Variants in LRRD1 observed in about 807,000 individuals in gnomAD.
LRRD1 encodes leucine-rich repeat and death domain-containing protein 1.
LRRD1 carries 49 observed loss-of-function variants against 69.5 expected under a neutral mutation model. The ratio of observed to expected loss-of-function variants is 0.70; its 90% CI spans 0.56 to 0.89. LRRD1 has a LOEUF of 0.89. Among genes scored for constraint, LRRD1 ranks in the 40% least tolerant of loss-of-function variants. LRRD1 has a pLI of 0.00. For missense variants in LRRD1, 853 were observed against 956.0 expected (o/e 0.89, Z 1.42); for synonymous variants, 303 against 338.9 (o/e 0.89, Z 1.16).
At chr7:92,154,211 T>C (rs1387766770) in intron 3 of LRRD1, among the ~76,000 whole-genome samples, 1 of 152,068 alleles carries the variant, frequency 6.6e-6, no homozygotes, top group Non-Finnish European at 1.5e-5. Context: ...CAGTGTTGTA[T>C]ATAAGAAATC....
intron 3 of LRRD1, among the ~76,000 whole-genome samples, chr7:92,152,859 G>A (rs1287497933): frequency 4.6e-5 from 7 of 151,932 alleles, no homozygotes; most frequent in African/African-American, 1.7e-4. Flanking sequence ...TAGTAGAGAC[G>A]AGGTTTCACC....
Position 92,164,950 on chromosome 7 carries a change from G to T in LRRD1, c.253C>A (p.Leu85Ile). 1.3e-6 allele frequency: 2 copies of T among 1,551,300 alleles called. No individual in the cohort carries two copies. The highest frequency in any genetic ancestry group is 2.4e-5 in the South Asian group (2 of 84,034). The change falls in exon 2 of 6, where the codon CTT becomes ATT. Residue 85 changes from leucine to isoleucine, a missense_variant. Physicochemically the swap from Leu to Ile is conservative, Grantham distance 5. This residue lies in a region of LRRD1 where 99 missense variants were observed against 107.0 expected (regional missense o/e 0.92). Transcript: ENST00000458448. Reference protein sequence around the residue: ...SKRNEEQKKNLQFSETSTRTG... With the variant: ...SKRNEEQKKNIQFSETSTRTG... ...CTAGTGCTTGTTTCAGAAAATTGAA[G>T]ATTTTTCTTTTGTTCTTCATTTCTC...
chr7:92,154,847 C>G (rs558162715), intron 3 of LRRD1, among the ~76,000 whole-genome samples: 2 of 152,306 alleles, frequency 1.3e-5, no homozygotes, highest in Admixed American at 6.5e-5. Flanking sequence ...GACCCCCCAG[C>G]TGATGCCTAC....
At chr7:92,176,233 T>A (rs879529825) in intron 1 of LRRD1, among the ~76,000 whole-genome samples, 14 of 152,206 alleles carry the variant, frequency 9.2e-5, no homozygotes, top group Non-Finnish European at 2.1e-4. Flanking sequence ...CATGGCATAT[T>A]TCTTTTGCGA....
intron 4 of LRRD1, chr7:92,149,979 A>T (rs1263622628): frequency 2.2e-6 from 1 of 445,246 alleles, no homozygotes; most frequent in Non-Finnish European, 4.5e-6. Context: ...TCAATAGGGT[A>T]GGAAACAGCC....
Position 92,164,054 on chromosome 7 carries a change from T to C in LRRD1, c.1149A>G (p.Leu383=), listed in dbSNP as rs753235924. 2 of 1,541,374 alleles carry C rather than the reference T, an allele frequency of 1.3e-6. No homozygotes were observed. ...ATATTTTCTCTGGTATATTTTTCAA[T>C]AAATTTTTATCAAGTATAAGAATCC... The part of the protein sequence containing the change: ...ELRILILDKN[L]LKNIPEKISC... Residue 383 remains leucine (L), a synonymous_variant, in exon 2 of 6, where the codon TTA becomes TTG. Transcript: ENST00000458448.
intron 3 of LRRD1, among the ~76,000 whole-genome samples, chr7:92,152,802 C>T (rs922496326): frequency 1.3e-5 from 2 of 151,900 alleles, no homozygotes; most frequent in African/African-American, 4.8e-5. Context: ...TCCTGAGTAG[C>T]TGGGACTATA....
chr7:92,160,555 C>T (rs1788774407), intron 2 of LRRD1, among the ~76,000 whole-genome samples: 1 of 152,176 alleles, frequency 6.6e-6, no homozygotes, highest in South Asian at 2.1e-4. Flanking sequence ...GGCTCGGTGG[C>T]TCACACCTGT....
At chr7:92,150,054 A>C (rs1820426848) in intron 4 of LRRD1, 1 of 294,050 alleles carries the variant, frequency 3.4e-6, no homozygotes, top group Admixed American at 3.7e-5. Flanking sequence ...TGGATTACGT[A>C]ATCTGAATTA....
chr7:92,178,868 C>A (rs544634316), intron 1 of LRRD1, 139 bp downstream of exon 1: 60 of 152,244 alleles, frequency 3.9e-4, no homozygotes, highest in African/African-American at 1.2e-3. Flanking sequence ...AAATTGTTTT[C>A]TAAATGTGGA....
At chr7:92,143,826 G>A (rs1009630947), downstream of LRRD1, among the ~76,000 whole-genome samples, 2 of 152,278 alleles carry the variant, frequency 1.3e-5, no homozygotes, top group Non-Finnish European at 2.9e-5. Flanking sequence ...TGGGAGCCCA[G>A]GCAGAGGAGG....
intron 3 of LRRD1, among the ~76,000 whole-genome samples, chr7:92,152,674 CTTTTTTTT>C (rs375384141): frequency 7.1e-6 from 1 of 139,906 alleles, no homozygotes; most frequent in Admixed American, 7.2e-5. Flanking sequence ...TTTAACTATT[CTTTTTTTT>C]TTTTTTTGGA....
rs1788877792 is a variant in LRRD1 at position 92,165,037 on chromosome 7, A to T, written c.166T>A (p.Tyr56Asn). The change falls in exon 2 of 6, where the codon TAT becomes AAT. Residue 56 changes from tyrosine (Y) to asparagine (N), a missense_variant. Tyr to Asn is a moderately radical substitution (Grantham distance 143). Coordinates refer to ENST00000458448, the MANE Select transcript of LRRD1 (RefSeq NM_001161528.2). ...YLEGKSSNQI[Y>N]ETHPRQNTLE... Reference sequence around the variant, plus strand: ...GTATTCTGTCTAGGATGTGTTTCATAAATCTGGTTAGAAGATTTCCCTTCC... The same window carrying T: ...GTATTCTGTCTAGGATGTGTTTCATTAATCTGGTTAGAAGATTTCCCTTCC... 6.4e-7 allele frequency: 1 copy of T among 1,551,434 alleles called. No individual in the cohort carries two copies. The highest frequency in any genetic ancestry group is 8.7e-7 in the Non-Finnish European group (1 of 1,146,958).
chr7:92,153,328 G>T (rs1274894481), intron 3 of LRRD1, among the ~76,000 whole-genome samples: 1 of 152,034 alleles, frequency 6.6e-6, no homozygotes, highest in African/African-American at 2.4e-5. Flanking sequence ...GCCTCTCAAA[G>T]TGCTGGGATT....
intron 1 of LRRD1, among the ~76,000 whole-genome samples, chr7:92,171,226 A>G (rs1789050728): frequency 6.6e-6 from 1 of 152,106 alleles, no homozygotes; most frequent in South Asian, 2.1e-4. Context: ...CTAAAAAAGA[A>G]TACAGAAAAC....
At chr7:92,172,556 GA>G (rs35806171) in intron 1 of LRRD1, among the ~76,000 whole-genome samples, 34,439 of 148,372 alleles carry the variant, frequency 0.23, 4,745 homozygotes, top group Non-Finnish European at 0.32. Flanking sequence ...TGAACAATCT[GA>G]AAAAAAAAAT....
Position 92,163,790 on chromosome 7 carries a change from C to A in LRRD1, c.1413G>T (p.Leu471Phe). Residue 471 changes from leucine (L) to phenylalanine (F), a missense_variant, in exon 2 of 6, where the codon TTG (leucine) becomes TTT (phenylalanine). Coordinates refer to ENST00000458448, the MANE Select transcript of LRRD1 (RefSeq NM_001161528.2). ...KNCQKIIKIE[L>F]SYNKIMYFPL... Reference sequence around the variant, plus strand: ...GAAAATACATTATTTTGTTATAACTCAATTCAATTTTAATTATTTTTTGGC... The same window carrying A: ...GAAAATACATTATTTTGTTATAACTAAATTCAATTTTAATTATTTTTTGGC... The A allele has an allele frequency of 6.7e-7, 1 of 1,503,210 alleles. No individual in the cohort carries two copies. The highest frequency in any genetic ancestry group is 8.8e-7 in the Non-Finnish European group (1 of 1,130,024). 93.1% of individuals were successfully genotyped at this position (1,503,210 alleles called of 1,614,324 possible). A position where few individuals can be genotyped will look rare whatever the true frequency, so the allele number is the denominator to read the frequency against.
At position 92,168,285 on chromosome 7, in the gene LRRD1, A is replaced by T. The variant is rs537345478; in HGVS notation, c.-74-3009T>A. Among the ~76,000 whole-genome samples, 3 of 152,296 alleles carry T rather than the reference A, an allele frequency of 2.0e-5. No individual in the cohort carries two copies. In the South Asian group the frequency reaches 6.2e-4, roughly 32 times the overall value. ...AGGTGGACAGCTGGCTTCCCTGCCAACTTGGATTCCCTGGCAGGAGACCTG... is the reference window on the plus strand; with the variant it reads ...AGGTGGACAGCTGGCTTCCCTGCCATCTTGGATTCCCTGGCAGGAGACCTG... On this transcript the variant is annotated intron_variant, in intron 1 of 5. Coordinates refer to ENST00000458448, the MANE Select transcript of LRRD1 (RefSeq NM_001161528.2).
downstream of LRRD1, chr7:92,142,603 G>A (rs115594215): frequency 7.4e-3 from 3,287 of 446,430 alleles, 80 homozygotes; most frequent in African/African-American, 0.06. Flanking sequence ...CGACCCTCAC[G>A]GTCAGTGTTA....
Sources: gnomAD v4.1 joint callset for allele counts (sites outside exome capture counted in the v4.1 genomes callset) on GRCh38, gnomAD v4.1.1 for gene constraint, gnomAD v4.1.1 regional missense constraint, MANE v1.5 for transcripts, NCBI Gene and HGNC (gene_info 2026-07-23, HGNC 2026-07-21) for gene names.